Variants in SASH1 observed in about 807,000 individuals in gnomAD.
SASH1 encodes the protein SAM and SH3 domain containing 1.
In SASH1, 44 loss-of-function variants were observed where a neutral mutation model predicts 125.2. The ratio of observed to expected loss-of-function variants is 0.35; its 90% CI spans 0.28 to 0.45. SASH1 has a LOEUF of 0.45. Among genes scored for constraint, SASH1 ranks in the 20% least tolerant of loss-of-function variants. The pLI is 1.00. For synonymous variants in SASH1, 639 were observed against 649.1 expected (o/e 0.98, Z 0.24); for missense variants, 1,426 against 1,614.5 (o/e 0.88, Z 2.00).
chr6:148,286,060 C>T (rs1229785231), intron 1 of SASH1, among the ~76,000 whole-genome samples: 1 of 152,046 alleles, frequency 6.6e-6, no homozygotes, highest in African/African-American at 2.4e-5. Context: ...GTACCTTTCT[C>T]TAAAAAGTGC....
At chr6:148,220,024 C>T in the SASH1 span, among the ~76,000 whole-genome samples, 2 of 152,322 alleles carry the variant, frequency 1.3e-5, no homozygotes, top group South Asian at 2.1e-4. Context: ...ATTTGGAGGT[C>T]TCTTCATCTA....
intron 4 of SASH1, among the ~76,000 whole-genome samples, chr6:148,449,078 C>CTTTTTCTTTTTCTTTTTTTTT: frequency 3.6e-4 from 32 of 88,688 alleles, no homozygotes; most frequent in East Asian, 5.8e-4. Flanking sequence ...CATTTCATTT[C>CTTTTTCTTTTTCTTTTTTTTT]TTTTTTTTTT....
the SASH1 span, among the ~76,000 whole-genome samples, chr6:148,205,588 A>T: frequency 6.6e-6 from 1 of 152,112 alleles, no homozygotes; most frequent in South Asian, 2.1e-4. Flanking sequence ...CTAATAGAGG[A>T]TGCCCTAAAT....
the SASH1 span, among the ~76,000 whole-genome samples, chr6:148,242,962 C>T: frequency 2.6e-5 from 4 of 152,166 alleles, no homozygotes; most frequent in Non-Finnish European, 4.4e-5. Flanking sequence ...GTATAAATCC[C>T]ATAGGTTGGC....
chr6:148,286,159 C>A (rs1365835864), intron 1 of SASH1, among the ~76,000 whole-genome samples: 1 of 151,806 alleles, frequency 6.6e-6, no homozygotes, highest in African/African-American at 2.4e-5. Flanking sequence ...ATTAAGAGTC[C>A]TGTATTAGAT....
intron 16 of SASH1, among the ~76,000 whole-genome samples, chr6:148,537,054 A>C (rs1024623146): frequency 6.6e-6 from 1 of 152,190 alleles, no homozygotes; most frequent in Non-Finnish European, 1.5e-5. Flanking sequence ...GGATTTTTAC[A>C]TCCAATACAG....
chr6:148,467,913 G>T (rs1777921824), intron 4 of SASH1, among the ~76,000 whole-genome samples: 2 of 152,048 alleles, frequency 1.3e-5, no homozygotes, highest in Admixed American at 1.3e-4. Context: ...CTCCAGCTTG[G>T]ACTACAGAGC....
At position 148,445,061 on chromosome 6, in the gene SASH1, G is replaced by A. The variant is rs531608336; in HGVS notation, c.386+4654G>A. Among the ~76,000 whole-genome samples the A allele has an allele frequency of 2.0e-5, 3 of 152,296 alleles. No homozygotes were observed. In the East Asian group the frequency reaches 5.8e-4, roughly 29 times the overall value. ...GGTGCTGCTAGGAGTGTCTTTTGGT[G>A]TGCTATTGCATTATAATTCACATAT... is the stretch of plus-strand genomic sequence containing the variant. On this transcript the variant is annotated intron_variant, in intron 4 of 19. Coordinates refer to ENST00000367467, the MANE Select transcript of SASH1 (RefSeq NM_015278.5).
chr6:148,525,915 T>C (rs1019913687), intron 11 of SASH1, among the ~76,000 whole-genome samples: 1 of 152,116 alleles, frequency 6.6e-6, no homozygotes, highest in Admixed American at 6.5e-5. Flanking sequence ...CTCAGGGGTC[T>C]GGTGTCAGGC....
At chr6:148,539,210 A>ATT (rs1002295981) in intron 16 of SASH1, among the ~76,000 whole-genome samples, 3 of 129,414 alleles carry the variant, frequency 2.3e-5, no homozygotes, top group Non-Finnish European at 5.0e-5. Context: ...TTTATTTTTT[A>ATT]TTTATTTCAG....
chr6:148,241,468 C>T, the SASH1 span, among the ~76,000 whole-genome samples: 2 of 152,198 alleles, frequency 1.3e-5, no homozygotes, highest in African/African-American at 4.8e-5. Flanking sequence ...AACTCCTAGG[C>T]AAATGGCATC....
intron 4 of SASH1, among the ~76,000 whole-genome samples, chr6:148,455,789 A>G (rs1777312371): frequency 6.6e-6 from 1 of 152,212 alleles, no homozygotes; most frequent in African/African-American, 2.4e-5. Flanking sequence ...CCGCGTGTCC[A>G]TGCTGCCCGT....
chr6:148,547,497 G>A (rs559232373), intron 19 of SASH1, among the ~76,000 whole-genome samples: 1 of 152,152 alleles, frequency 6.6e-6, no homozygotes, highest in South Asian at 2.1e-4. Flanking sequence ...GGTGGCTATT[G>A]TATTTCAAAG....
intron 7 of SASH1, among the ~76,000 whole-genome samples, chr6:148,477,608 C>T (rs1458666399): frequency 6.6e-6 from 1 of 152,036 alleles, no homozygotes; most frequent in African/African-American, 2.4e-5. Context: ...TCACTGCGAC[C>T]TCCGCCTCCT....
chr6:148,284,649 T>A (rs1410724610), intron 1 of SASH1, among the ~76,000 whole-genome samples: 1 of 152,212 alleles, frequency 6.6e-6, no homozygotes, highest in Non-Finnish European at 1.5e-5. Context: ...ATCAAATGAA[T>A]TTCCTCGAAC....
intron 8 of SASH1, among the ~76,000 whole-genome samples, chr6:148,507,907 A>G (rs1299257838): frequency 6.6e-6 from 1 of 152,158 alleles, no homozygotes; most frequent in Non-Finnish European, 1.5e-5. Context: ...GAAAAGACAA[A>G]CGTGACTTGC....
intron 8 of SASH1, chr6:148,508,805 C>T (rs1779949614): frequency 4.0e-6 from 5 of 1,247,474 alleles, no homozygotes; most frequent in Non-Finnish European, 5.2e-6. Flanking sequence ...AGACGCTCTC[C>T]GAGTGGGGAG....
chr6:148,256,098 G>T, the SASH1 span, among the ~76,000 whole-genome samples: 2 of 152,222 alleles, frequency 1.3e-5, no homozygotes, highest in Non-Finnish European at 2.9e-5. Context: ...ACAATTTTGT[G>T]CCTCTGCCCT....
At chr6:148,509,409 G>A (rs1173828652) in intron 8 of SASH1, 2 of 158,734 alleles carry the variant, frequency 1.3e-5, no homozygotes, top group African/African-American at 4.8e-5. Context: ...GTGGCGCTGG[G>A]GGAGATGAGT....
Sources: allele counts gnomAD v4.1 joint callset (sites outside exome capture counted in the v4.1 genomes callset), GRCh38; gene constraint gnomAD v4.1.1; transcripts MANE v1.5; gene names NCBI Gene and HGNC (gene_info 2026-07-23, HGNC 2026-07-21).